The following ACADSB variants were observed in gnomAD, a reference collection of about 807,000 sequenced individuals.
ACADSB encodes short/branched chain specific acyl-CoA dehydrogenase, mitochondrial.
Under a neutral mutation model 54.1 loss-of-function variants are expected in ACADSB, and 40 were observed. That is an observed-to-expected ratio of 0.74 (90% CI 0.57 to 0.96). The LOEUF (loss-of-function observed/expected upper bound fraction) is 0.96. Ranked by LOEUF, ACADSB falls within the 40% of genes least tolerant of loss-of-function variation. The probability of loss-of-function intolerance (pLI) is 0.00; values close to 1 mark genes in which losing one functional copy is unlikely to be tolerated. For synonymous variants in ACADSB, 182 were observed against 182.8 expected (o/e 1.00, Z 0.03); for missense variants, 530 against 510.4 (o/e 1.04, Z -0.37).
chr10:123,047,361 C>G (rs766757523), intron 8 of ACADSB, 63 bp downstream of exon 8: 1 of 1,187,348 alleles, frequency 8.4e-7, no homozygotes, highest in African/African-American at 1.5e-5. Context: ...TAATGAAGGG[C>G]TGTGTTGAAA....
rs1850646391 is a variant in ACADSB, at chr10:123,052,536, C to T, written c.1129-525C>T. ...TCTCTCCATCTCGTGTCCTTACCCACATCTGCAGAGTCCCTATTGCCATGG... is the reference window on the plus strand; with the variant it reads ...TCTCTCCATCTCGTGTCCTTACCCATATCTGCAGAGTCCCTATTGCCATGG... On this transcript the variant is annotated intron_variant, in intron 9 of 10. Transcript: ENST00000358776. The surrounding 1 kb of genome is among the most constrained non-coding windows in gnomAD (Gnocchi z 4.2). Among the ~76,000 whole-genome samples, 1 of 152,228 alleles carries T rather than the reference C, an allele frequency of 6.6e-6. No homozygotes were observed. Among genetic ancestry groups the T allele is most frequent in the African/African-American group, 2.4e-5 (1 of 41,466 alleles).
chr10:123,010,572 A>G (rs1461535797), intron 1 of ACADSB, among the ~76,000 whole-genome samples: 1 of 152,220 alleles, frequency 6.6e-6, no homozygotes, highest in Non-Finnish European at 1.5e-5. Context: ...CTAGTGGTAT[A>G]ACCTTGGACA....
chr10:123,053,851 G>C lies in ACADSB; in HGVS notation c.*86G>C. The C allele has an allele frequency of 8.4e-7, 1 of 1,188,228 alleles. No homozygotes were observed. The highest frequency in any genetic ancestry group is 1.3e-6 in the Non-Finnish European group (1 of 794,586). The allele number at this position is 1,188,228 out of a possible 1,614,324, so 73.6% of individuals were successfully genotyped here. On this transcript the variant is annotated 3_prime_UTR_variant, in exon 11 of 11. Transcript: ENST00000358776. ...CTTGTTGGGAGTAAGTGCCTTGCGT[G>C]GGAATAAACTTCCACAGCATTCGAA...
Position 123,055,836 on chromosome 10 carries a change from A to G in ACADSB, c.*2071A>G, listed in dbSNP as rs1850701107. On this transcript the variant is annotated 3_prime_UTR_variant, in exon 11 of 11. Coordinates refer to ENST00000358776, the MANE Select transcript of ACADSB (RefSeq NM_001609.4). ...ACCTTTGACTCCACGTCTCACAATC[A>G]TCTCTCTCAAGTTCGAAGTTCCACA... The G allele has an allele frequency of 6.6e-6, 1 of 152,206 alleles. No individual in the cohort carries two copies. The highest frequency in any genetic ancestry group is 6.6e-5 in the Admixed American group (1 of 15,264). The allele number at this position is 152,206 out of a possible 1,614,324, so 9.4% of individuals were successfully genotyped here.
At chr10:123,049,343 C>G (rs1237295794) in intron 8 of ACADSB, among the ~76,000 whole-genome samples, 1 of 152,184 alleles carries the variant, frequency 6.6e-6, no homozygotes, top group African/African-American at 2.4e-5. Context: ...TTAGCATGTT[C>G]TCCATGCCAG....
chr10:123,034,947 C>CTTTTT (rs138763749), intron 2 of ACADSB, among the ~76,000 whole-genome samples: 2 of 149,514 alleles, frequency 1.3e-5, no homozygotes, highest in African/African-American at 4.9e-5. Context: ...TTCTTTCTTT[C>CTTTTT]TTTTTTTTCT....
chr10:123,049,842 C>T (rs1850605637), intron 8 of ACADSB, among the ~76,000 whole-genome samples: 1 of 152,162 alleles, frequency 6.6e-6, no homozygotes, highest in African/African-American at 2.4e-5. Context: ...TTTATAACCT[C>T]ATGGTAGGAA....
rs530179990 is a variant in ACADSB, at chr10:123,053,046, A to T, written c.1129-15A>T. The T allele has an allele frequency of 3.7e-6, 6 of 1,605,364 alleles. No homozygotes were observed. The Admixed American group carries it at 6.7e-5, about 18-fold the overall frequency. ...TATGTGGTTTCAGTGTGTGATTTGC[A>T]CTTGCTTTTGGTAGATTGCAGGACA... On this transcript the variant is annotated splice_polypyrimidine_tract_variant and intron_variant, in intron 9 of 10. Coordinates refer to ENST00000358776, the MANE Select transcript of ACADSB (RefSeq NM_001609.4).
At chr10:123,041,939 A>G (rs11593582) in intron 5 of ACADSB, among the ~76,000 whole-genome samples, 14,294 of 149,820 alleles carry the variant, frequency 0.095, 752 homozygotes, top group Non-Finnish European at 0.12. Context: ...CTAATGGGTT[A>G]TGTAGGAAGC....
intron 1 of ACADSB, among the ~76,000 whole-genome samples, chr10:123,011,778 C>G (rs574460081): frequency 6.6e-6 from 1 of 152,218 alleles, no homozygotes; most frequent in Non-Finnish European, 1.5e-5. Flanking sequence ...TCATGATCCA[C>G]CCGCCATGGC....
intron 4 of ACADSB, 43 bp from the exon 5 acceptor site, chr10:123,041,166 A>G (rs778105491): frequency 4.4e-6 from 7 of 1,592,748 alleles, no homozygotes; most frequent in Non-Finnish European, 5.2e-6. Context: ...TACAGAGTAT[A>G]AATACAGTTA....
In ACADSB at chr10:123,043,165, T is replaced by C; in HGVS notation, c.801T>C (p.Asn267=). The C allele has an allele frequency of 1.2e-6, 2 of 1,613,722 alleles. No individual in the cohort carries two copies. The highest frequency in any genetic ancestry group is 1.3e-5 in the African/African-American group (1 of 75,016). Residue 267 remains asparagine, a synonymous_variant, in exon 6 of 11, where the codon AAT becomes AAC. Coordinates refer to ENST00000358776, the MANE Select transcript of ACADSB (RefSeq NM_001609.4). ...ASSTCPLTFE[N]VKVPEANILG... ...CCACCTGCCCGTTAACATTCGAAAA[T>C]GTCAAGGTGGGTATCGTAGACTAAT... is the stretch of plus-strand genomic sequence containing the variant.
At chr10:123,030,148 C>T (rs975960965) in intron 1 of ACADSB, among the ~76,000 whole-genome samples, 2 of 152,306 alleles carry the variant, frequency 1.3e-5, no homozygotes, top group African/African-American at 4.8e-5. Flanking sequence ...CAAACCATGT[C>T]ATATGTCTTT....
At chr10:123,033,515 A>C (rs1850355840) in intron 1 of ACADSB, among the ~76,000 whole-genome samples, 1 of 152,224 alleles carries the variant, frequency 6.6e-6, no homozygotes, top group Non-Finnish European at 1.5e-5. Flanking sequence ...TGGCAGTTTA[A>C]CTAGATCGTT....
chr10:123,050,300 A>G (rs1215065906), intron 8 of ACADSB, among the ~76,000 whole-genome samples: 1 of 152,236 alleles, frequency 6.6e-6, no homozygotes, highest in Non-Finnish European at 1.5e-5. Flanking sequence ...AATCATGAGA[A>G]CAAGGAACTC....
chr10:123,012,312 C>G lies in ACADSB; in HGVS notation c.42+3241C>G, dbSNP rs548171574. 2.6e-5 allele frequency among the ~76,000 whole-genome samples: 4 copies of G among 152,286 alleles called. No individual in the cohort carries two copies. The South Asian group carries it at 8.3e-4, about 32-fold the overall frequency. On this transcript the variant is annotated intron_variant, in intron 1 of 10. Coordinates refer to ENST00000358776, the MANE Select transcript of ACADSB (RefSeq NM_001609.4). ...TTTTTTCTGGACATATATTTGGCATCCAGGTAGAGAGAACACAAATGGTTT... is the reference window on the plus strand; with the variant it reads ...TTTTTTCTGGACATATATTTGGCATGCAGGTAGAGAGAACACAAATGGTTT...
intron 1 of ACADSB, among the ~76,000 whole-genome samples, chr10:123,009,655 C>T (rs115967547): frequency 0.017 from 2,532 of 152,296 alleles, 27 homozygotes; most frequent in Middle Eastern, 0.037. Flanking sequence ...TGGGTATCTT[C>T]CGTGGATAGA....
intron 1 of ACADSB, 129 bp downstream of exon 1, chr10:123,009,200 G>T (rs1564743657): frequency 9.3e-7 from 1 of 1,072,140 alleles, no homozygotes; most frequent in South Asian, 1.4e-5. Context: ...TGGGTCCCCA[G>T]ACTCTTTACC....
chr10:123,049,075 A>C (rs965452338), intron 8 of ACADSB, among the ~76,000 whole-genome samples: 2 of 152,222 alleles, frequency 1.3e-5, no homozygotes. Flanking sequence ...TATGAAGTAC[A>C]TGAGATGTTT....
Sources: gnomAD v4.1 joint callset for allele counts (sites outside exome capture counted in the v4.1 genomes callset) on GRCh38, gnomAD v4.1.1 for gene constraint, Gnocchi (gnomAD v3.1) non-coding constraint, MANE v1.5 for transcripts, NCBI Gene and HGNC (gene_info 2026-07-23, HGNC 2026-07-21) for gene names.